Variants in FOXP2 observed in about 807,000 individuals in gnomAD.
FOXP2 encodes forkhead box P2.
In FOXP2, 12 loss-of-function variants were observed where a neutral mutation model predicts 115.8. That is an observed-to-expected ratio of 0.10 (90% CI 0.07 to 0.17). FOXP2 has a LOEUF of 0.17. FOXP2 is among the 10% of genes least tolerant of loss of function. The pLI is 1.00. For missense variants in FOXP2, 629 were observed against 843.5 expected (o/e 0.75, Z 3.15); for synonymous variants, 328 against 297.7 (o/e 1.10, Z -1.05).
intron 1 of FOXP2, among the ~76,000 whole-genome samples, chr7:114,116,028 G>C (rs920675598): frequency 6.6e-6 from 1 of 151,580 alleles, no homozygotes; most frequent in African/African-American, 2.4e-5. Context: ...AATTTTTTTT[G>C]CTTTTTGTTT....
chr7:114,372,526 A>C (rs1328981240), intron 2 of FOXP2, among the ~76,000 whole-genome samples: 1 of 152,220 alleles, frequency 6.6e-6, no homozygotes, highest in Non-Finnish European at 1.5e-5. Context: ...TGAGTACTCT[A>C]TGTGAGTTTT....
chr7:114,136,533 A>C (rs957604562), intron 1 of FOXP2, among the ~76,000 whole-genome samples: 67 of 151,996 alleles, frequency 4.4e-4, no homozygotes, highest in African/African-American at 1.6e-3. Context: ...TTTATTTAAT[A>C]AAAAGTTTTC....
At chr7:114,168,175 G>T (rs1400533433) in intron 1 of FOXP2, among the ~76,000 whole-genome samples, 2 of 152,122 alleles carry the variant, frequency 1.3e-5, no homozygotes, top group Non-Finnish European at 2.9e-5. Flanking sequence ...CAGTAAATGG[G>T]GCTCTGCTGA....
At chr7:114,570,874 C>G (rs1181185834) in intron 3 of FOXP2, 1 of 1,611,854 alleles carries the variant, frequency 6.2e-7, no homozygotes, top group Admixed American at 1.7e-5. Context: ...CCTCACAACA[C>G]ATTTGCAGTA....
intron 1 of FOXP2, among the ~76,000 whole-genome samples, chr7:114,253,399 G>A (rs545403954): frequency 1.3e-5 from 2 of 152,210 alleles, no homozygotes; most frequent in African/African-American, 2.4e-5. Flanking sequence ...GGGCGTTAAA[G>A]TCTCCCATTA....
At chr7:114,580,502 C>A (rs908700915) in intron 3 of FOXP2, among the ~76,000 whole-genome samples, 1 of 152,000 alleles carries the variant, frequency 6.6e-6, no homozygotes, top group Non-Finnish European at 1.5e-5. Context: ...TGTTTGAACC[C>A]GGGAGGCAGA....
At chr7:114,207,996 C>G (rs1015610265) in intron 1 of FOXP2, among the ~76,000 whole-genome samples, 5 of 152,200 alleles carry the variant, frequency 3.3e-5, no homozygotes, top group African/African-American at 1.2e-4. Context: ...AGTCCCCACA[C>G]AGAGTTCCTA....
intron 3 of FOXP2, among the ~76,000 whole-genome samples, chr7:114,566,631 G>A (rs1181389725): frequency 2.0e-5 from 3 of 151,996 alleles, no homozygotes; most frequent in Non-Finnish European, 4.4e-5. Flanking sequence ...GCAAAACTAT[G>A]AGCCAAATAA....
chr7:114,302,444 A>G (rs190708105), intron 2 of FOXP2, among the ~76,000 whole-genome samples: 1 of 152,310 alleles, frequency 6.6e-6, no homozygotes, highest in Admixed American at 6.5e-5. Flanking sequence ...TAAATCATTT[A>G]ATACTCAACA....
intron 2 of FOXP2, among the ~76,000 whole-genome samples, chr7:114,462,822 C>T (rs1194684670): frequency 2.0e-5 from 3 of 152,206 alleles, no homozygotes; most frequent in Non-Finnish European, 2.9e-5. Context: ...ACCTGATGTG[C>T]TAATAGAAAG....
chr7:114,410,832 G>T (rs1175227785), upstream of FOXP2, among the ~76,000 whole-genome samples: 1 of 151,720 alleles, frequency 6.6e-6, no homozygotes, highest in East Asian at 1.9e-4. Context: ...AATACTGTTG[G>T]AGTGTAGGCA....
At chr7:114,407,314 A>G (rs1287062538) in intron 2 of FOXP2, among the ~76,000 whole-genome samples, 2 of 152,052 alleles carry the variant, frequency 1.3e-5, no homozygotes, top group Non-Finnish European at 2.9e-5. Context: ...CTAATATAAC[A>G]ATCAAACATC....
At chr7:114,321,824 T>C (rs956801460) in intron 2 of FOXP2, among the ~76,000 whole-genome samples, 1 of 152,164 alleles carries the variant, frequency 6.6e-6, no homozygotes, top group Admixed American at 6.6e-5. Flanking sequence ...TCCAAAAACA[T>C]TTTCAAAGTA....
intron 2 of FOXP2, among the ~76,000 whole-genome samples, chr7:114,434,429 T>A (rs1794247536): frequency 1.5e-5 from 1 of 66,346 alleles, no homozygotes; most frequent in Non-Finnish European, 2.8e-5. Flanking sequence ...CCTCACGGTT[T>A]AATATATATG....
chr7:114,445,415 A>C (rs1388223029), intron 2 of FOXP2, among the ~76,000 whole-genome samples: 4 of 152,202 alleles, frequency 2.6e-5, no homozygotes, highest in African/African-American at 7.2e-5. Flanking sequence ...TATGTAACTT[A>C]GGATCAACTC....
intron 6 of FOXP2, among the ~76,000 whole-genome samples, chr7:114,633,702 T>C (rs1193440955): frequency 6.6e-6 from 1 of 152,170 alleles, no homozygotes; most frequent in African/African-American, 2.4e-5. Context: ...GCTCATTGTG[T>C]GTTGAATACA....
intron 1 of FOXP2, among the ~76,000 whole-genome samples, chr7:114,099,137 C>A (rs762940774): frequency 2.6e-5 from 4 of 151,826 alleles, no homozygotes; most frequent in Non-Finnish European, 5.9e-5. Context: ...CCTGTCTCAA[C>A]AAACAAACAA....
chr7:114,380,158 C>A (rs552504726), intron 2 of FOXP2, among the ~76,000 whole-genome samples: 1 of 152,120 alleles, frequency 6.6e-6, no homozygotes, highest in Non-Finnish European at 1.5e-5. Flanking sequence ...TGTAAGACTG[C>A]CACCTCTTTA....
intron 2 of FOXP2, among the ~76,000 whole-genome samples, chr7:114,489,132 ATC>A (rs1024221572): frequency 4.5e-4 from 69 of 152,274 alleles, no homozygotes; most frequent in African/African-American, 1.7e-3. Context: ...AGATTTAAAG[ATC>A]TCTCTGCTAT....
Sources: allele counts gnomAD v4.1 joint callset (sites outside exome capture counted in the v4.1 genomes callset), GRCh38; gene constraint gnomAD v4.1.1; transcripts MANE v1.5; gene names NCBI Gene and HGNC (gene_info 2026-07-23, HGNC 2026-07-21).